The following BRCC3 variants were observed in gnomAD, a reference collection of about 807,000 sequenced individuals.
BRCC3 encodes the protein lys-63-specific deubiquitinase BRCC36.
Under a neutral mutation model 28.0 loss-of-function variants are expected in BRCC3, and 15 were observed. That is an observed-to-expected ratio of 0.54 (90% CI 0.36 to 0.82). The LOEUF (loss-of-function observed/expected upper bound fraction) is 0.82. Among genes scored for constraint, BRCC3 ranks in the 40% least tolerant of loss-of-function variants. The pLI, the probability that BRCC3 is intolerant of heterozygous loss-of-function variation, is 0.01. For missense variants in BRCC3, 109 were observed against 225.9 expected (o/e 0.48, Z 3.32); for synonymous variants, 66 against 80.3 (o/e 0.82, Z 0.95).
Position 155,079,117 on chromosome X carries a change from T to C in BRCC3, c.403+414T>C, listed in dbSNP as rs895051369. Among the ~76,000 whole-genome samples the C allele has an allele frequency of 2.7e-5, 3 of 112,140 alleles. No homozygotes were observed. In the East Asian group the frequency reaches 8.3e-4, roughly 31 times the overall value. ...TAACTAAATTGCTTTCTTTCTACCT[T>C]TACCCCTTTTTGAGAATCATGGTGG... On this transcript the variant is annotated intron_variant, in intron 5 of 10. Transcript: ENST00000330045.
At chrX:155,114,670 G>A (rs2074342930) in intron 7 of BRCC3, among the ~76,000 whole-genome samples, 1 of 109,432 alleles carries the variant, frequency 9.1e-6, no homozygotes, top group East Asian at 2.8e-4. Context: ...GGAGACTCAG[G>A]TATAGCAGAA....
At chrX:155,117,068 C>T (rs1302106495) in intron 9 of BRCC3, among the ~76,000 whole-genome samples, 1 of 112,090 alleles carries the variant, frequency 8.9e-6, no homozygotes, top group Non-Finnish European at 1.9e-5. Context: ...CCTGATTTGT[C>T]GTGTTTGACG....
chrX:155,117,823 G>C (rs1418030846), intron 9 of BRCC3, among the ~76,000 whole-genome samples: 1 of 111,603 alleles, frequency 9.0e-6, no homozygotes, highest in Admixed American at 9.5e-5. Flanking sequence ...TTCTTTCTTT[G>C]TTCATTCAGG....
At position 155,119,985 on chromosome X, in the gene BRCC3, T is replaced by C; in HGVS notation, c.725-14T>C. ...TTTCCACAATTATTCTCATCTTTAT[T>C]TTTCCTATTGAAGTGTTTACCAAGA... On this transcript the variant is annotated splice_polypyrimidine_tract_variant and intron_variant, in intron 9 of 10. Transcript: ENST00000330045. The C allele has an allele frequency of 8.4e-7, 1 of 1,195,101 alleles. No individual in the cohort carries two copies.
In BRCC3 at chrX:155,105,220, T is replaced by C. The variant is rs79703249; in HGVS notation, c.549-10837T>C. Among the ~76,000 whole-genome samples the C allele has an allele frequency of 4.0e-3, 445 of 112,174 alleles. 1 individual carries two copies. The highest frequency in any genetic ancestry group is 5.5e-3 in the Non-Finnish European group (291 of 53,185). On this transcript the variant is annotated intron_variant, in intron 7 of 10. Coordinates refer to ENST00000330045, the MANE Select transcript of BRCC3 (RefSeq NM_001018055.3). Reference sequence around the variant, plus strand: ...TGTGTTAGGTGGGCACAGTGGCTCATGTCTGTAATCCCAGCACTTTGGGAG... The same window carrying C: ...TGTGTTAGGTGGGCACAGTGGCTCACGTCTGTAATCCCAGCACTTTGGGAG...
chrX:155,084,160 G>T (rs2074103546), intron 5 of BRCC3, among the ~76,000 whole-genome samples: 1 of 112,271 alleles, frequency 8.9e-6, no homozygotes, highest in Non-Finnish European at 1.9e-5. Flanking sequence ...GTTTGCAAAA[G>T]AAAAATAAGT....
intron 8 of BRCC3, 143 bp downstream of exon 8, chrX:155,116,331 T>A: frequency 1.9e-6 from 1 of 522,229 alleles, no homozygotes. Flanking sequence ...TCTCCAATCA[T>A]AATGTTTCTC....
intron 6 of BRCC3, among the ~76,000 whole-genome samples, chrX:155,090,335 T>A (rs1213026596): frequency 8.9e-6 from 1 of 112,776 alleles, no homozygotes; most frequent in Non-Finnish European, 1.9e-5. Context: ...TCTTATTTAG[T>A]GCATTAGTTA....
At chrX:155,088,352 CT>C (rs781981831) in intron 5 of BRCC3, among the ~76,000 whole-genome samples, 199 of 90,259 alleles carry the variant, frequency 2.2e-3, no homozygotes, top group Middle Eastern at 5.8e-3. Flanking sequence ...TAGTTTTTGG[CT>C]TTTTTTTTTT....
At chrX:155,103,772 C>T (rs890846111) in intron 7 of BRCC3, among the ~76,000 whole-genome samples, 1 of 110,701 alleles carries the variant, frequency 9.0e-6, no homozygotes, top group Non-Finnish European at 1.9e-5. Context: ...GGTGTTTCAA[C>T]TAACCATATA....
chrX:155,089,217 A>T (rs1557295305), intron 5 of BRCC3, 46 bp from the exon 6 acceptor site: 1 of 866,140 alleles, frequency 1.2e-6, no homozygotes, highest in South Asian at 2.2e-5. Flanking sequence ...AAGCTGTGAG[A>T]CACAGCTTAT....
At chrX:155,096,434 A>T (rs1243042437) in intron 7 of BRCC3, among the ~76,000 whole-genome samples, 1 of 112,547 alleles carries the variant, frequency 8.9e-6, no homozygotes, top group South Asian at 3.6e-4. Flanking sequence ...CCTAAATTTT[A>T]AAAAATGTGT....
intron 9 of BRCC3, 134 bp from the exon 10 acceptor site, chrX:155,119,865 A>AAAAAGTGTAAT (rs1217758482): frequency 5.9e-6 from 3 of 505,404 alleles, no homozygotes; most frequent in Non-Finnish European, 9.5e-6. Context: ...CCTACTTATT[A>AAAAAGTGTAAT]CACTTTTTCT....
chrX:155,077,283 G>T lies in BRCC3; in HGVS notation c.309G>T (p.Glu103Asp). 1 of 1,180,696 alleles carries T rather than the reference G, an allele frequency of 8.5e-7. No homozygotes were observed. Among genetic ancestry groups the T allele is most frequent in the South Asian group, 1.8e-5 (1 of 56,181 alleles). The change falls in exon 4 of 11, where the codon GAG (glutamate) becomes GAT (aspartate). Residue 103 changes from glutamate to aspartate, a missense_variant. Glu to Asp is a conservative substitution (Grantham distance 45). This residue lies in a region of BRCC3 where 58 missense variants were observed against 92.8 expected (regional missense o/e 0.63). Coordinates refer to ENST00000330045, the MANE Select transcript of BRCC3 (RefSeq NM_001018055.3). ...AGCAGCTGTCTGCAGCTTCAACAGAGGCAGAGATATCCTTACTGGTCAATA... is the reference window on the plus strand; with the variant it reads ...AGCAGCTGTCTGCAGCTTCAACAGATGCAGAGATATCCTTACTGGTCAATA... ...SPEQLSAASTEAERLAELTGR... is the reference protein window; with the variant it reads ...SPEQLSAASTDAERLAELTGR...
At chrX:155,107,873 T>C (rs2074295028) in intron 7 of BRCC3, among the ~76,000 whole-genome samples, 1 of 111,453 alleles carries the variant, frequency 9.0e-6, no homozygotes, top group Non-Finnish European at 1.9e-5. Flanking sequence ...TAGAGCTTCT[T>C]TGTCATAAAC....
At chrX:155,104,492 G>A (rs200364571) in intron 7 of BRCC3, among the ~76,000 whole-genome samples, 100 of 111,944 alleles carry the variant, frequency 8.9e-4, no homozygotes, top group Admixed American at 2.5e-3. Flanking sequence ...TTTTCCATTC[G>A]GACTGTTGAA....
intron 5 of BRCC3, among the ~76,000 whole-genome samples, chrX:155,082,068 C>A (rs1487639658): frequency 8.0e-5 from 9 of 112,053 alleles, no homozygotes; most frequent in African/African-American, 2.9e-4. Flanking sequence ...CTAAGACAAG[C>A]TGCAAACCTA....
At chrX:155,092,476 G>A (rs186107700) in intron 7 of BRCC3, among the ~76,000 whole-genome samples, 1 of 111,448 alleles carries the variant, frequency 9.0e-6, no homozygotes, top group Admixed American at 9.5e-5. Flanking sequence ...TGTTTATATT[G>A]TTATTATTAT....
rs1248307849 is a variant in BRCC3 at position 155,121,643 on chromosome X, G to A, written c.*439G>A. The A allele has an allele frequency of 2.7e-5, 3 of 111,997 alleles. No homozygotes were observed. Among genetic ancestry groups the A allele is most frequent in the Non-Finnish European group, 5.6e-5 (3 of 53,176 alleles). 9.2% of individuals were successfully genotyped at this position (111,997 alleles called of 1,213,427 possible). ...AAAGCCACAGGAGAAAAATCTTCAG[G>A]ATCTTGGGCTAGGTGACAAGTTCTT... On this transcript the variant is annotated 3_prime_UTR_variant, in exon 11 of 11. Coordinates refer to ENST00000330045, the MANE Select transcript of BRCC3 (RefSeq NM_001018055.3).
Sources: allele counts gnomAD v4.1 joint callset (sites outside exome capture counted in the v4.1 genomes callset), GRCh38; gene constraint gnomAD v4.1.1; regional missense constraint gnomAD v4.1.1; transcripts MANE v1.5; gene names NCBI Gene and HGNC (gene_info 2026-07-23, HGNC 2026-07-21).